APBB2: variants seen among roughly 807,000 people sequenced by gnomAD.
APBB2 encodes Fe65-like 1.
In APBB2, 38 loss-of-function variants were observed where a neutral mutation model predicts 82.5. The ratio of observed to expected loss-of-function variants is 0.46; its 90% CI spans 0.36 to 0.60. The LOEUF (loss-of-function observed/expected upper bound fraction) is 0.60. Ranked by LOEUF, APBB2 falls within the 20% of genes least tolerant of loss-of-function variation. The pLI is 0.00. For missense variants in APBB2, 772 were observed against 972.3 expected (o/e 0.79, Z 2.74); for synonymous variants, 341 against 368.2 (o/e 0.93, Z 0.85).
chr4:41,069,244 A>C (rs562477109), intron 3 of APBB2, among the ~76,000 whole-genome samples: 9 of 152,316 alleles, frequency 5.9e-5, no homozygotes, highest in South Asian at 2.1e-4. Flanking sequence ...CCTGCCACTG[A>C]GACTTCCTAG....
chr4:41,010,175 T>A (rs1390141305), intron 6 of APBB2, among the ~76,000 whole-genome samples: 2 of 152,132 alleles, frequency 1.3e-5, no homozygotes, highest in Admixed American at 1.3e-4. Context: ...GGTGCAGAGA[T>A]CCCAAGTGAA....
chr4:41,188,576 A>C (rs974043467), intron 1 of APBB2, among the ~76,000 whole-genome samples: 1 of 152,222 alleles, frequency 6.6e-6, no homozygotes, highest in African/African-American at 2.4e-5. Context: ...GCAGGACCCT[A>C]ATCTGCCAGC....
chr4:40,961,551 G>A (rs892429187), intron 6 of APBB2, among the ~76,000 whole-genome samples: 1 of 149,356 alleles, frequency 6.7e-6, no homozygotes, highest in African/African-American at 2.5e-5. Context: ...GCTAGATGTC[G>A]AGTTAGTGGG....
intron 3 of APBB2, among the ~76,000 whole-genome samples, chr4:41,074,591 C>T (rs28631190): frequency 0.31 from 46,623 of 148,140 alleles, 7,665 homozygotes; most frequent in Non-Finnish European, 0.37. Context: ...CATATGAAGG[C>T]AAATATTATT....
chr4:40,956,286 G>A (rs1188289846), intron 6 of APBB2, among the ~76,000 whole-genome samples: 1 of 152,138 alleles, frequency 6.6e-6, no homozygotes, highest in Admixed American at 6.5e-5. Context: ...TCATGAATAG[G>A]TTTGCTGAGG....
Position 41,033,234 on chromosome 4 carries a change from A to G in APBB2, c.19+2T>C, listed in dbSNP as rs1183172474. 3 of 1,572,596 alleles carry G rather than the reference A, an allele frequency of 1.9e-6. No individual in the cohort carries two copies. In the Admixed American group the frequency reaches 5.1e-5, roughly 27 times the overall value. Reference sequence around the variant, plus strand: ...ATTGAAATATGAGAAAATGTATCTGACCTGGAAGTACTTCTGACATGGATC... The same window carrying G: ...ATTGAAATATGAGAAAATGTATCTGGCCTGGAAGTACTTCTGACATGGATC... On this transcript the variant is annotated splice_donor_variant, in intron 5 of 17. Transcript: ENST00000508593. LOFTEE classifies it high-confidence loss of function.
At chr4:41,208,474 C>A (rs536164129) in intron 1 of APBB2, among the ~76,000 whole-genome samples, 4 of 152,280 alleles carry the variant, frequency 2.6e-5, no homozygotes, top group Admixed American at 2.0e-4. Flanking sequence ...GTTGGCCAGG[C>A]TGGTCTCAAA....
intron 16 of APBB2, chr4:40,822,367 C>A: frequency 4.3e-6 from 1 of 233,550 alleles, no homozygotes; most frequent in Middle Eastern, 1.5e-3. Context: ...TACATCTAGC[C>A]CAAATACAGG....
At chr4:41,179,363 A>ATT (rs1770714472) in intron 1 of APBB2, among the ~76,000 whole-genome samples, 2 of 152,246 alleles carry the variant, frequency 1.3e-5, no homozygotes, top group South Asian at 4.1e-4. Context: ...ATCAACATAT[A>ATT]TATCAATTTA....
intron 2 of APBB2, among the ~76,000 whole-genome samples, chr4:41,116,587 C>T (rs996641785): frequency 6.6e-6 from 1 of 152,134 alleles, no homozygotes; most frequent in Middle Eastern, 3.4e-3. Context: ...CCCAAGATCG[C>T]GTCACTGCTT....
chr4:41,033,713 C>T (rs1718016278), intron 4 of APBB2, among the ~76,000 whole-genome samples: 1 of 150,208 alleles, frequency 6.7e-6, no homozygotes, highest in African/African-American at 2.5e-5. Flanking sequence ...ACTATAAACA[C>T]GATAAAAGCA....
At chr4:41,175,834 A>T (rs1263871181) in intron 1 of APBB2, among the ~76,000 whole-genome samples, 7 of 152,186 alleles carry the variant, frequency 4.6e-5, no homozygotes, top group Non-Finnish European at 1.0e-4. Context: ...GCAAATCATA[A>T]AAATCTAGGA....
intron 5 of APBB2, among the ~76,000 whole-genome samples, chr4:41,015,500 G>A (rs1195486656): frequency 6.6e-6 from 1 of 152,146 alleles, no homozygotes; most frequent in Admixed American, 6.5e-5. Context: ...GGCAAAACAG[G>A]GATCTTTGCA....
chr4:40,915,146 C>A (rs1779532787), intron 10 of APBB2, among the ~76,000 whole-genome samples: 1 of 152,242 alleles, frequency 6.6e-6, no homozygotes, highest in African/African-American at 2.4e-5. Flanking sequence ...GGCCTCCAGG[C>A]CAATCCTTCA....
intron 1 of APBB2, among the ~76,000 whole-genome samples, chr4:41,199,795 T>C (rs1001496956): frequency 1.3e-5 from 2 of 152,154 alleles, no homozygotes; most frequent in African/African-American, 4.8e-5. Context: ...AGCTTCACTG[T>C]TCTTCCGGTG....
intron 10 of APBB2, among the ~76,000 whole-genome samples, chr4:40,928,017 A>C (rs185812756): frequency 1.6e-4 from 25 of 152,324 alleles, no homozygotes; most frequent in Admixed American, 8.5e-4. Flanking sequence ...TCCAAATCTA[A>C]GATATTAAAG....
chr4:40,980,009 T>G (rs1372535151), intron 6 of APBB2, among the ~76,000 whole-genome samples: 1 of 152,198 alleles, frequency 6.6e-6, no homozygotes, highest in African/African-American at 2.4e-5. Flanking sequence ...ACTTGCCTAT[T>G]TCACCACTAG....
At chr4:41,116,732 T>A (rs1462948797) in intron 2 of APBB2, among the ~76,000 whole-genome samples, 1 of 152,216 alleles carries the variant, frequency 6.6e-6, no homozygotes, top group Admixed American at 6.5e-5. Flanking sequence ...TTAATAATTG[T>A]ATAAATGAGG....
chr4:41,165,092 C>T (rs1400223942), intron 1 of APBB2, among the ~76,000 whole-genome samples: 1 of 152,164 alleles, frequency 6.6e-6, no homozygotes. Context: ...ACAAAAACAG[C>T]GATTATTTTA....
Sources: gnomAD v4.1 joint callset for allele counts (sites outside exome capture counted in the v4.1 genomes callset) on GRCh38, gnomAD v4.1.1 for gene constraint, MANE v1.5 for transcripts, NCBI Gene and HGNC (gene_info 2026-07-23, HGNC 2026-07-21) for gene names.